Variants in UST observed in about 807,000 individuals in gnomAD.
The protein encoded by UST is uronyl 2-sulfotransferase.
Under a neutral mutation model 45.6 loss-of-function variants are expected in UST, and 21 were observed. The ratio of observed to expected loss-of-function variants is 0.46; its 90% CI spans 0.33 to 0.66. The LOEUF is 0.66. Among genes scored for constraint, UST ranks in the 30% least tolerant of loss-of-function variants. UST has a pLI of 0.02. For missense variants in UST, 463 were observed against 512.4 expected (o/e 0.90, Z 0.93); for synonymous variants, 215 against 200.6 (o/e 1.07, Z -0.61).
At chr6:148,795,822 A>C (rs916616568) in intron 1 of UST, among the ~76,000 whole-genome samples, 7 of 152,178 alleles carry the variant, frequency 4.6e-5, no homozygotes, top group African/African-American at 1.7e-4. Flanking sequence ...ATATTGACTC[A>C]TTTATTTTGC....
intron 5 of UST, among the ~76,000 whole-genome samples, chr6:149,017,099 C>A (rs114971862): frequency 0.013 from 2,039 of 152,296 alleles, 46 homozygotes; most frequent in African/African-American, 0.046. Flanking sequence ...AAGATGCAGC[C>A]GGGCACAGTG....
intron 2 of UST, among the ~76,000 whole-genome samples, chr6:148,924,132 C>A (rs983169051): frequency 2.0e-5 from 3 of 152,174 alleles, no homozygotes; most frequent in Non-Finnish European, 4.4e-5. Context: ...GATGGGTCAG[C>A]AAACTATGAC....
At chr6:148,874,943 G>T (rs987132474) in intron 1 of UST, among the ~76,000 whole-genome samples, 3 of 152,242 alleles carry the variant, frequency 2.0e-5, no homozygotes, top group African/African-American at 7.2e-5. Flanking sequence ...TTCGTTAACA[G>T]TGTCTTATCA....
intron 5 of UST, among the ~76,000 whole-genome samples, chr6:149,005,867 GT>G (rs1360642462): frequency 6.6e-6 from 1 of 152,202 alleles, no homozygotes; most frequent in Non-Finnish European, 1.5e-5. Context: ...GGGAAAGGCA[GT>G]AATGACAAGG....
chr6:148,982,108 T>TG (rs1299230727), intron 5 of UST, among the ~76,000 whole-genome samples: 9 of 151,186 alleles, frequency 6.0e-5, no homozygotes, highest in Admixed American at 4.6e-4. Context: ...TTTTTTGTTT[T>TG]TTTTTTTTGA....
chr6:149,073,833 A>G lies in UST; in HGVS notation c.938A>G (p.Glu313Gly), dbSNP rs201103793. Residue 313 changes from glutamate (E) to glycine (G), a missense_variant and splice_region_variant, in exon 8 of 8, where the codon GAG becomes GGG. Glu to Gly is a moderately conservative substitution (Grantham distance 98). This residue lies in a region of UST where 287 missense variants were observed against 374.2 expected (regional missense o/e 0.77). Transcript: ENST00000367463. Reference sequence around the variant, plus strand: ...ATGTGCGACCCCGGTTCTCTTCCAGAGCACAGGAAGCTTGGAAACATGACT... The same window carrying G: ...ATGTGCGACCCCGGTTCTCTTCCAGGGCACAGGAAGCTTGGAAACATGACT... ...KGVLSIYKDP[E>G]HRKLGNMTVT... 510 of 1,611,954 alleles carry G rather than the reference A, an allele frequency of 3.2e-4. No individual in the cohort carries two copies. Among genetic ancestry groups the G allele is most frequent in the Non-Finnish European group, 4.0e-4 (471 of 1,178,278 alleles).
At chr6:148,909,538 G>T (rs1195881918) in intron 2 of UST, among the ~76,000 whole-genome samples, 2 of 152,216 alleles carry the variant, frequency 1.3e-5, no homozygotes, top group Non-Finnish European at 2.9e-5. Context: ...ACCCAAAGGT[G>T]CTTTGTGCAG....
At chr6:148,866,358 A>G (rs1350849490) in intron 1 of UST, among the ~76,000 whole-genome samples, 1 of 151,456 alleles carries the variant, frequency 6.6e-6, no homozygotes, top group South Asian at 2.1e-4. Flanking sequence ...TCTGCAAAAT[A>G]AGGACGTCAA....
chr6:149,008,442 A>G (rs1265686528), intron 5 of UST, among the ~76,000 whole-genome samples: 1 of 152,148 alleles, frequency 6.6e-6, no homozygotes, highest in Non-Finnish European at 1.5e-5. Context: ...TAAGAAGGCA[A>G]GTGGGCAGCA....
chr6:148,900,795 G>GTT (rs1366233989), intron 2 of UST, among the ~76,000 whole-genome samples: 5 of 152,198 alleles, frequency 3.3e-5, no homozygotes, highest in African/African-American at 7.2e-5. Flanking sequence ...TCTGAAATGG[G>GTT]TCTCACTGGG....
At chr6:149,013,216 A>G (rs1177596488) in intron 5 of UST, among the ~76,000 whole-genome samples, 1 of 152,238 alleles carries the variant, frequency 6.6e-6, no homozygotes, top group Non-Finnish European at 1.5e-5. Context: ...CTAAGAAATT[A>G]CAGCCTTTTC....
chr6:148,792,192 G>C (rs953479774), intron 1 of UST, among the ~76,000 whole-genome samples: 3 of 152,194 alleles, frequency 2.0e-5, no homozygotes, highest in Admixed American at 6.5e-5. Flanking sequence ...ATGACCTAGA[G>C]AATGATACTT....
At chr6:148,786,104 TC>T (rs1249281312) in intron 1 of UST, among the ~76,000 whole-genome samples, 28 of 151,258 alleles carry the variant, frequency 1.9e-4, no homozygotes, top group African/African-American at 4.9e-4. Flanking sequence ...TTTTTTTTTT[TC>T]CTAACAGGAT....
chr6:148,874,895 A>G (rs921690263), intron 1 of UST, among the ~76,000 whole-genome samples: 4 of 152,232 alleles, frequency 2.6e-5, no homozygotes, highest in Non-Finnish European at 4.4e-5. Flanking sequence ...TGGCAGGGAC[A>G]AAGCTGGGGT....
intron 5 of UST, chr6:148,990,456 C>A: frequency 7.2e-6 from 7 of 970,332 alleles, no homozygotes; most frequent in Non-Finnish European, 8.6e-6. Flanking sequence ...TTTCCATTAG[C>A]TGCTTGACCT....
chr6:148,816,747 G>C (rs1475960669), intron 1 of UST, among the ~76,000 whole-genome samples: 1 of 152,110 alleles, frequency 6.6e-6, no homozygotes, highest in Non-Finnish European at 1.5e-5. Context: ...ACAGAGAATA[G>C]GATATGGAAC....
At chr6:149,040,649 CCTT>C (rs1776299722) in intron 7 of UST, among the ~76,000 whole-genome samples, 1 of 152,112 alleles carries the variant, frequency 6.6e-6, no homozygotes, top group Non-Finnish European at 1.5e-5. Context: ...AAGTGAAACT[CCTT>C]CTCAATTAAT....
At chr6:148,978,272 G>T (rs1046239463) in intron 5 of UST, among the ~76,000 whole-genome samples, 6 of 152,026 alleles carry the variant, frequency 3.9e-5, no homozygotes, top group Non-Finnish European at 8.8e-5. Context: ...TGATAAAAAT[G>T]ACCCAGCAAT....
intron 1 of UST, among the ~76,000 whole-genome samples, chr6:148,817,305 G>A (rs979533016): frequency 6.6e-6 from 1 of 152,150 alleles, no homozygotes; most frequent in Non-Finnish European, 1.5e-5. Flanking sequence ...TTATTGGAAC[G>A]CAGCCATGCA....
Sources: allele counts gnomAD v4.1 joint callset (sites outside exome capture counted in the v4.1 genomes callset), GRCh38; gene constraint gnomAD v4.1.1; regional missense constraint gnomAD v4.1.1; transcripts MANE v1.5; gene names NCBI Gene and HGNC (gene_info 2026-07-23, HGNC 2026-07-21).